Variants in ENTREP2 observed in about 807,000 individuals in gnomAD.
The protein encoded by ENTREP2 is protein ENTREP2.
the ENTREP2 span, among the ~76,000 whole-genome samples, chr15:29,630,726 C>G: frequency 2.0e-5 from 3 of 152,170 alleles, no homozygotes; most frequent in African/African-American, 4.8e-5. Flanking sequence ...CTTGCTCTGT[C>G]ACCCAGGCTG....
At chr15:29,169,835 C>T in the ENTREP2 span, among the ~76,000 whole-genome samples, 4 of 152,120 alleles carry the variant, frequency 2.6e-5, no homozygotes, top group Non-Finnish European at 5.9e-5. Context: ...GCCAATATCA[C>T]TTCTGTTCTA....
chr15:29,209,276 C>A, the ENTREP2 span, among the ~76,000 whole-genome samples: 511 of 152,236 alleles, frequency 3.4e-3, 1 homozygote, highest in African/African-American at 0.012. Context: ...CCAAGGTGGG[C>A]AGACTGCCTG....
chr15:29,152,597 A>G, the ENTREP2 span, among the ~76,000 whole-genome samples: 2 of 152,260 alleles, frequency 1.3e-5, no homozygotes, highest in Non-Finnish European at 2.9e-5. Flanking sequence ...TGTTGCATGT[A>G]TCAGTAGTTG....
the ENTREP2 span, among the ~76,000 whole-genome samples, chr15:29,397,029 T>C: frequency 2.0e-5 from 3 of 152,112 alleles, no homozygotes; most frequent in African/African-American, 7.2e-5. Context: ...AAATATTAAA[T>C]GTAAATAATT....
At chr15:29,500,157 A>T in the ENTREP2 span, among the ~76,000 whole-genome samples, 2 of 152,206 alleles carry the variant, frequency 1.3e-5, no homozygotes, top group South Asian at 4.1e-4. Flanking sequence ...TAATAGTTGG[A>T]GAATTAAATA....
chr15:29,640,975 C>A, the ENTREP2 span, among the ~76,000 whole-genome samples: 28 of 152,000 alleles, frequency 1.8e-4, no homozygotes, highest in Non-Finnish European at 4.1e-4. Flanking sequence ...GGATTTACAC[C>A]ATAATCAAGT....
the ENTREP2 span, among the ~76,000 whole-genome samples, chr15:29,612,387 G>A: frequency 6.6e-6 from 1 of 151,964 alleles, no homozygotes; most frequent in Admixed American, 6.6e-5. Flanking sequence ...GTTCTGGGCT[G>A]GAATTTCTTG....
At chr15:29,290,883 T>A in the ENTREP2 span, among the ~76,000 whole-genome samples, 2 of 152,222 alleles carry the variant, frequency 1.3e-5, no homozygotes, top group Non-Finnish European at 2.9e-5. Context: ...CCGATGGAGA[T>A]GCGGCCTCAT....
At chr15:29,160,826 T>C in the ENTREP2 span, among the ~76,000 whole-genome samples, 1 of 152,066 alleles carries the variant, frequency 6.6e-6, no homozygotes, top group Non-Finnish European at 1.5e-5. Flanking sequence ...TTTTTTCCTA[T>C]GTCTTCTCTC....
chr15:29,186,046 C>G, the ENTREP2 span, among the ~76,000 whole-genome samples: 4 of 152,168 alleles, frequency 2.6e-5, no homozygotes, highest in East Asian at 7.7e-4. Flanking sequence ...TGGTGTTTGG[C>G]CCCCGAATGG....
chr15:29,255,694 G>A, the ENTREP2 span, among the ~76,000 whole-genome samples: 724 of 151,982 alleles, frequency 4.8e-3, 5 homozygotes, highest in African/African-American at 0.017. Flanking sequence ...GGAATACTAC[G>A]CAACCATAAA....
chr15:29,602,674 A>T, the ENTREP2 span, among the ~76,000 whole-genome samples: 1 of 152,054 alleles, frequency 6.6e-6, no homozygotes, highest in Non-Finnish European at 1.5e-5. Context: ...AGTAGCTGGG[A>T]TTACAGGCAT....
the ENTREP2 span, among the ~76,000 whole-genome samples, chr15:29,482,285 C>G: frequency 6.6e-6 from 1 of 151,628 alleles, no homozygotes; most frequent in Non-Finnish European, 1.5e-5. Flanking sequence ...GCTGAGATTA[C>G]AGGCGTGAGC....
At chr15:29,362,622 G>A in the ENTREP2 span, among the ~76,000 whole-genome samples, 1 of 151,942 alleles carries the variant, frequency 6.6e-6, no homozygotes, top group Non-Finnish European at 1.5e-5. Flanking sequence ...CAATACGCCC[G>A]CCTCGGCCTC....
chr15:29,472,420 CA>C, the ENTREP2 span, among the ~76,000 whole-genome samples: 1 of 137,606 alleles, frequency 7.3e-6, no homozygotes, highest in South Asian at 2.4e-4. Context: ...TACACACACA[CA>C]ACACACAACA....
At chr15:29,266,073 T>C in the ENTREP2 span, 1 of 152,148 alleles carries the variant, frequency 6.6e-6, no homozygotes, top group Non-Finnish European at 1.5e-5. Context: ...ACTAGATAGA[T>C]AGAGCAGACC....
At chr15:29,586,476 C>T in the ENTREP2 span, among the ~76,000 whole-genome samples, 5 of 152,058 alleles carry the variant, frequency 3.3e-5, no homozygotes, top group East Asian at 7.7e-4. Context: ...AATTATATTT[C>T]GTAAAGGTGT....
At chr15:29,219,619 ATATATAT>A in the ENTREP2 span, among the ~76,000 whole-genome samples, 2 of 13,030 alleles carry the variant, frequency 1.5e-4, no homozygotes, top group Admixed American at 8.4e-4. Context: ...GCATAAATAT[ATATATAT>A]ATATATATAT....
the ENTREP2 span, among the ~76,000 whole-genome samples, chr15:29,130,190 G>A: frequency 7.9e-5 from 12 of 152,290 alleles, no homozygotes; most frequent in Middle Eastern, 3.4e-3. Context: ...AAGAGAAGAC[G>A]GAGAGCTGCC....
Sources: gnomAD v4.1 joint callset for allele counts (sites outside exome capture counted in the v4.1 genomes callset) on GRCh38, gnomAD v4.1.1 for gene constraint, MANE v1.5 for transcripts, NCBI Gene and HGNC (gene_info 2026-07-23, HGNC 2026-07-21) for gene names.